Variants in EVPL observed in about 807,000 individuals in gnomAD.
EVPL encodes envoplakin.
EVPL carries 94 observed loss-of-function variants against 129.7 expected under a neutral mutation model. The ratio of observed to expected loss-of-function variants is 0.72; its 90% CI spans 0.61 to 0.86. The LOEUF is 0.86. EVPL is among the 40% of genes least tolerant of loss of function. The pLI is 0.00. For synonymous variants in EVPL, 1,172 were observed against 1,191.1 expected, an observed-to-expected ratio of 0.98 and a Z score of 0.33; for missense variants, 2,625 against 2,721.1, an observed-to-expected ratio of 0.96 and a Z score of 0.79.
At position 76,007,955 on chromosome 17, in the gene EVPL, C is replaced by T. The variant is rs1031226512; in HGVS notation, c.5250G>A (p.Glu1750=). ...AGATGCGCCGGCAGCGGAGGGCGGC[C>T]TCGATGGAGTACTGCTTCCCGCTCT... The part of the protein sequence containing the change: ...DRKSGKQYSI[E]AALRCRRISK... Residue 1750 remains glutamate (E), a synonymous_variant, in exon 22 of 22, where the codon GAG becomes GAA. Coordinates refer to ENST00000301607, the MANE Select transcript of EVPL (RefSeq NM_001988.4). The surrounding 1 kb of genome is among the most constrained non-coding windows in gnomAD (Gnocchi z 8.8). 3 of 1,613,998 alleles carry T rather than the reference C, an allele frequency of 1.9e-6. No individual in the cohort carries two copies. The African/African-American group carries it at 4.0e-5, about 22-fold the overall frequency.
At position 76,008,926 on chromosome 17, in the gene EVPL, C is replaced by T; in HGVS notation, c.4279G>A (p.Glu1427Lys). 1 of 1,612,896 alleles carries T rather than the reference C, an allele frequency of 6.2e-7. No homozygotes were observed. Among genetic ancestry groups the T allele is most frequent in the African/African-American group, 1.3e-5 (1 of 75,026 alleles). The change falls in exon 22 of 22, where the codon GAG becomes AAG. Residue 1427 changes from glutamate to lysine, a missense_variant. Glu to Lys is a moderately conservative substitution (Grantham distance 56). This residue lies in a region of EVPL where 1,453 missense variants were observed against 1,511.8 expected (regional missense o/e 0.96). Coordinates refer to ENST00000301607, the MANE Select transcript of EVPL (RefSeq NM_001988.4). This position sits in a 1 kb window ranked among gnomAD's most constrained non-coding sequence, Gnocchi z 7.4. ...EEQEGLLSFQEDRSKKLAVER... is the reference protein window; with the variant it reads ...EEQEGLLSFQKDRSKKLAVER... Reference sequence around the variant, plus strand: ...ACGGCCAGCTTCTTGCTGCGGTCCTCCTGGAAGCTGAGCAGGCCCTCCTGC... The same window carrying T: ...ACGGCCAGCTTCTTGCTGCGGTCCTTCTGGAAGCTGAGCAGGCCCTCCTGC...
In EVPL at chr17:76,024,174, C is replaced by T; in HGVS notation, c.99-54G>A. 1 of 1,540,070 alleles carries T rather than the reference C, an allele frequency of 6.5e-7. No homozygotes were observed. Among genetic ancestry groups the T allele is most frequent in the Non-Finnish European group, 8.9e-7 (1 of 1,123,924 alleles). ...TCGGTGGAAGAGGCCCCTCTGTGCC[C>T]CATCCAGGTGGCATCCCCTGCCCTC... On this transcript the variant is annotated intron_variant, in intron 1 of 21. Transcript: ENST00000301607. The surrounding 1 kb of genome is among the most constrained non-coding windows in gnomAD (Gnocchi z 4.5).
intron 12 of EVPL, 32 bp from the exon 13 acceptor site, chr17:76,018,290 C>T: frequency 6.6e-7 from 1 of 1,523,064 alleles, no homozygotes; most frequent in South Asian, 1.2e-5. Context: ...AGAAAGAGGT[C>T]CCCACTCTGC....
At position 76,010,357 on chromosome 17, in the gene EVPL, GCCGCTGGGT is replaced by G. The variant is rs1465734655; in HGVS notation, c.2839_2847del (p.Thr947_Arg949del). ...TCCTTCTCCTCCAGCCTCTCCAAGG[GCCGCTGGGT>G]CCTCAGCTGCAGCAGTTGGCTCCTC... On this transcript the variant is annotated inframe_deletion, in exon 22 of 22. Transcript: ENST00000301607. 2 of 1,613,842 alleles carry G rather than the reference GCCGCTGGGT, an allele frequency of 1.2e-6. No individual in the cohort carries two copies. The highest frequency in any genetic ancestry group is 2.7e-5 in the African/African-American group (2 of 74,880).
rs2066333071 is a variant in EVPL at position 76,007,831 on chromosome 17, T to C, written c.5374A>G (p.Ile1792Val). ...GGGGACTTGGAGATGATAGAGCCGA[T>C]GGAGAGTGAGGAGCTTGGCTTGGTC... is the stretch of plus-strand genomic sequence containing the variant. ...GETKPSSSLSIGSIISKSPLA... is the reference protein window; with the variant it reads ...GETKPSSSLSVGSIISKSPLA... Residue 1792 changes from isoleucine (I) to valine (V), a missense_variant, in exon 22 of 22, where the codon ATC becomes GTC. Physicochemically the swap from Ile to Val is conservative, Grantham distance 29. Transcript: ENST00000301607. This position sits in a 1 kb window ranked among gnomAD's most constrained non-coding sequence, Gnocchi z 8.8. The C allele has an allele frequency of 1.2e-6, 2 of 1,611,648 alleles. No individual in the cohort carries two copies. The highest frequency in any genetic ancestry group is 1.3e-5 in the African/African-American group (1 of 74,838).
At position 76,018,154 on chromosome 17, in the gene EVPL, T is replaced by G; in HGVS notation, c.1537+7A>C. The stretch of plus-strand genomic sequence containing the variant: ...ACAGCCACCTCTCCCCGGGCCACCC[T>G]GGGTACCCTGCTGGCTGGGCCGAAG... On this transcript the variant is annotated splice_region_variant and intron_variant, in intron 13 of 21. Transcript: ENST00000301607. 1 of 1,550,916 alleles carries G rather than the reference T, an allele frequency of 6.4e-7. No individual in the cohort carries two copies. The highest frequency in any genetic ancestry group is 1.2e-5 in the South Asian group (1 of 84,064).
At chr17:76,018,110 A>G in intron 13 of EVPL, 51 bp downstream of exon 13, 1 of 1,548,574 alleles carries the variant, frequency 6.5e-7, no homozygotes, top group South Asian at 1.2e-5. Flanking sequence ...GGAAGTCGGA[A>G]TCTACTCCTT....
chr17:76,015,283 C>G lies in EVPL; in HGVS notation c.1972G>C (p.Glu658Gln), dbSNP rs759900767. ...CCCGGTTCAGCAGGGATGGGGGCCT[C>G]CTGCACCAGGGTGGCCTCGAAGCCT... ...IRGFEATLVQ[E>Q]APIPAEPGAL... is the part of the protein sequence containing the mutation. The change falls in exon 16 of 22, where the codon GAG becomes CAG. Residue 658 changes from glutamate (E) to glutamine (Q), a missense_variant. Glu to Gln is a conservative substitution (Grantham distance 29). Transcript: ENST00000301607. The G allele has an allele frequency of 1.2e-5, 20 of 1,602,650 alleles. No individual in the cohort carries two copies. Among genetic ancestry groups the G allele is most frequent in the Non-Finnish European group, 1.6e-5 (19 of 1,178,846 alleles).
rs1196163456 is a variant in EVPL, at chr17:76,008,805, T to C, written c.4400A>G (p.Lys1467Arg). Residue 1467 changes from lysine (K) to arginine (R), a missense_variant, in exon 22 of 22, where the codon AAG (lysine) becomes AGG (arginine). Physicochemically the swap from Lys to Arg is conservative, Grantham distance 26. Transcript: ENST00000301607. This position sits in a 1 kb window ranked among gnomAD's most constrained non-coding sequence, Gnocchi z 7.4. ...QEKIIMEEVV[K>R]LEKDPDLEKS... ...CTCCAGGTCCGGGTCCTTCTCCAGC[T>C]TGACCACTTCCTCCATGATGATCTT... 3 of 1,613,868 alleles carry C rather than the reference T, an allele frequency of 1.9e-6. No homozygotes were observed. The highest frequency in any genetic ancestry group is 2.5e-6 in the Non-Finnish European group (3 of 1,179,980).
intron 8 of EVPL, 41 bp from the exon 9 acceptor site, chr17:76,021,604 C>CCCCCCGG: frequency 1.4e-6 from 2 of 1,417,126 alleles, no homozygotes; most frequent in Non-Finnish European, 9.3e-7. Context: ...ACGCCCCCCC[C>CCCCCCGG]ACGTCCGCCC....
chr17:76,022,624 C>T lies in EVPL; in HGVS notation c.481-86G>A. The T allele has an allele frequency of 6.7e-7, 1 of 1,499,062 alleles. No homozygotes were observed. Among genetic ancestry groups the T allele is most frequent in the Non-Finnish European group, 8.9e-7 (1 of 1,122,830 alleles). 92.9% of individuals were successfully genotyped at this position (1,499,062 alleles called of 1,614,324 possible). ...CACGCCTCCCACCCGGAGAAGTGGA[C>T]TTGGTCATTTGGGCAGAGCGTGGAC... On this transcript the variant is annotated intron_variant, in intron 4 of 21. Transcript: ENST00000301607. This position sits in a 1 kb window ranked among gnomAD's most constrained non-coding sequence, Gnocchi z 5.6.
At position 76,014,996 on chromosome 17, in the gene EVPL, G is replaced by T; in HGVS notation, c.2142C>A (p.Cys714Ter). Reference sequence around the variant, plus strand: ...GGCGCTGCTGGCGAGGCAGGTCTTGGCAGAACTCCTGGAAGTTGTTCTGCA... The same window carrying T: ...GGCGCTGCTGGCGAGGCAGGTCTTGTCAGAACTCCTGGAAGTTGTTCTGCA... ...AALQNNFQEF[C>*]QDLPRQQRQV... The change falls in exon 17 of 22, where the codon TGC becomes TGA. Residue 714 changes from cysteine to a stop codon, truncating the protein, a stop_gained. Transcript: ENST00000301607. LOFTEE classifies it high-confidence loss of function. The T allele has an allele frequency of 6.3e-7, 1 of 1,596,898 alleles. No homozygotes were observed. The highest frequency in any genetic ancestry group is 8.5e-7 in the Non-Finnish European group (1 of 1,176,720).
rs745803165 is a variant in EVPL, at chr17:76,018,475, T to G, written c.1410A>C (p.Pro470=). Residue 470 remains proline, a synonymous_variant, in exon 12 of 22, where the codon CCA becomes CCC. Transcript: ENST00000301607. The stretch of plus-strand genomic sequence containing the variant: ...AGGCCCTGGCCACAGCATCAGGGTC[T>G]GGTGCTGGGATGCAGAAGCAGGCGG... ...APAACFCIPA[P]DPDAVARASR... is the part of the protein sequence containing the mutation. 1.2e-6 allele frequency: 2 copies of G among 1,612,584 alleles called. No homozygotes were observed. The highest frequency in any genetic ancestry group is 1.7e-5 in the Admixed American group (1 of 59,954).
intron 18 of EVPL, chr17:76,012,396 G>T: frequency 3.6e-6 from 1 of 281,594 alleles, no homozygotes; most frequent in South Asian, 8.6e-5. Flanking sequence ...CTGGGTTCAA[G>T]CGATTTTCAT....
chr17:76,014,622 G>A (rs1477156782), intron 17 of EVPL, 46 bp from the exon 18 acceptor site: 1 of 1,591,402 alleles, frequency 6.3e-7, no homozygotes, highest in Admixed American at 1.9e-5. Flanking sequence ...CTGCCCCGTG[G>A]GGACAGGGGC....
chr17:76,019,757 C>A (rs571972211), intron 9 of EVPL, 104 bp from the exon 10 acceptor site: 4 of 1,375,270 alleles, frequency 2.9e-6, no homozygotes, highest in African/African-American at 3.2e-5. Context: ...GCAGCTAAAC[C>A]TAAACCAGCT....
At position 76,022,233 on chromosome 17, in the gene EVPL, T is replaced by C. The variant is rs768580498; in HGVS notation, c.607-6A>G. 6.2e-7 allele frequency: 1 copy of C among 1,612,920 alleles called. No individual in the cohort carries two copies. The highest frequency in any genetic ancestry group is 1.7e-5 in the Admixed American group (1 of 59,972). ...CTCCGGATGGTGGCTGCATCCTGCC[T>C]CGACCAAGGGGAGAAACAAGCCCGT... On this transcript the variant is annotated splice_region_variant and splice_polypyrimidine_tract_variant and intron_variant, in intron 5 of 21. Coordinates refer to ENST00000301607, the MANE Select transcript of EVPL (RefSeq NM_001988.4). The surrounding 1 kb of genome is among the most constrained non-coding windows in gnomAD (Gnocchi z 5.6).
At chr17:76,020,204 A>G (rs1483588799) in intron 9 of EVPL, among the ~76,000 whole-genome samples, 1 of 152,232 alleles carries the variant, frequency 6.6e-6, no homozygotes, top group African/African-American at 2.4e-5. Context: ...AACCAGCTAA[A>G]CCTAAACTGT....
rs754849974 is a variant in EVPL at position 76,011,918 on chromosome 17, AGTGGGGGAGGCTGGGT to A, written c.2458-52_2458-37del. The A allele has an allele frequency of 1.6e-5, 26 of 1,607,598 alleles. No homozygotes were observed. The African/African-American group carries it at 3.5e-4, about 21-fold the overall frequency. On this transcript the variant is annotated intron_variant, in intron 19 of 21. Coordinates refer to ENST00000301607, the MANE Select transcript of EVPL (RefSeq NM_001988.4). ...AGGAAAGGACAGCAGGCTGGCAACC[AGTGGGGGAGGCTGGGT>A]GTGGGGGATAGGGCTGGAAGAGGGA...
Sources: gnomAD v4.1 joint callset for allele counts (sites outside exome capture counted in the v4.1 genomes callset) on GRCh38, gnomAD v4.1.1 for gene constraint, gnomAD v4.1.1 regional missense constraint, Gnocchi (gnomAD v3.1) non-coding constraint, MANE v1.5 for transcripts, NCBI Gene and HGNC (gene_info 2026-07-23, HGNC 2026-07-21) for gene names.